The following KMT2B variants were observed in gnomAD, a reference collection of about 807,000 sequenced individuals.
KMT2B encodes the protein lysine methyltransferase 2B, also known as histone-lysine N-methyltransferase 2B.
A neutral mutation model predicts 255.3 loss-of-function variants in KMT2B; 22 were observed. The observed-to-expected ratio is 0.09, with a 90% confidence interval of 0.06 to 0.12. KMT2B has a LOEUF of 0.12. Among genes scored for constraint, KMT2B ranks in the 10% least tolerant of loss-of-function variants. KMT2B has a pLI of 1.00. For missense variants in KMT2B, 3,149 were observed against 3,737.0 expected (o/e 0.84, Z 4.10); for synonymous variants, 1,730 against 1,498.1 (o/e 1.15, Z -3.57).
chr19:35,730,843 G>C lies in KMT2B; in HGVS notation c.5413G>C (p.Val1805Leu). 1 of 1,611,168 alleles carries C rather than the reference G, an allele frequency of 6.2e-7. No individual in the cohort carries two copies. The highest frequency in any genetic ancestry group is 8.5e-7 in the Non-Finnish European group (1 of 1,178,810). Residue 1805 changes from valine (V) to leucine (L), a missense_variant, in exon 26 of 37, where the codon GTG becomes CTG. Val to Leu is a conservative substitution (Grantham distance 32). Coordinates refer to ENST00000420124, the MANE Select transcript of KMT2B (RefSeq NM_014727.3). The stretch of plus-strand genomic sequence containing the variant: ...GGCTGCAGAGGAGAACCAGACCATT[G>C]TGCACAGCCCCGCCCCTTCCTCAGG... ...LEAAEENQTIVHSPAPSSEPP... is the reference protein window; with the variant it reads ...LEAAEENQTILHSPAPSSEPP...
chr19:35,730,301 CCA>C (rs772279008), intron 23 of KMT2B, 39 bp from the exon 24 acceptor site: 1 of 1,607,368 alleles, frequency 6.2e-7, no homozygotes, highest in South Asian at 1.1e-5. Context: ...TCCACCTCCC[CCA>C]CCAATGCAGC....
At chr19:35,726,129 C>T (rs1271768484) in intron 13 of KMT2B, 107 bp from the exon 14 acceptor site, 9 of 818,100 alleles carry the variant, frequency 1.1e-5, no homozygotes, top group African/African-American at 1.7e-5. Context: ...TTACCTGTCC[C>T]TCCTTGCCTG....
At chr19:35,734,299 C>T (rs1969837665) in intron 30 of KMT2B, among the ~76,000 whole-genome samples, 1 of 152,042 alleles carries the variant, frequency 6.6e-6, no homozygotes, top group Non-Finnish European at 1.5e-5. Flanking sequence ...GGAGTCGTCA[C>T]ATCTCAGCTG....
At chr19:35,728,320 C>T (rs1969551248) in intron 19 of KMT2B, 149 bp downstream of exon 19, 3 of 673,048 alleles carry the variant, frequency 4.5e-6, no homozygotes, top group Non-Finnish European at 7.7e-6. Flanking sequence ...GTGAGATTCC[C>T]TGGTGGTTCT....
chr19:35,726,164 C>T, intron 13 of KMT2B, 72 bp from the exon 14 acceptor site: 1 of 1,154,382 alleles, frequency 8.7e-7, no homozygotes, highest in South Asian at 1.3e-5. Flanking sequence ...CCAATTCCTC[C>T]TCGCCCGTCT....
In KMT2B at chr19:35,727,107, C is replaced by T; in HGVS notation, c.4004-49C>T. The T allele has an allele frequency of 7.4e-7, 1 of 1,346,630 alleles. No homozygotes were observed. Among genetic ancestry groups the T allele is most frequent in the Non-Finnish European group, 1.0e-6 (1 of 958,370 alleles). The allele number at this position is 1,346,630 out of a possible 1,614,324, so 83.4% of individuals were successfully genotyped here. A position where few individuals can be genotyped will look rare whatever the true frequency, so the allele number is the denominator to read the frequency against. On this transcript the variant is annotated intron_variant, in intron 14 of 36. Coordinates refer to ENST00000420124, the MANE Select transcript of KMT2B (RefSeq NM_014727.3). The surrounding 1 kb of genome is among the most constrained non-coding windows in gnomAD (Gnocchi z 4.2). The stretch of plus-strand genomic sequence containing the variant: ...AATCCTTGAACAGAGACACTCAGGG[C>T]TGAGTGGGAACTCCAGCACCTCTGA...
Position 35,723,639 on chromosome 19 carries a change from G to A in KMT2B, c.3059-93G>A, listed in dbSNP as rs377764022. On this transcript the variant is annotated intron_variant, in intron 7 of 36. Coordinates refer to ENST00000420124, the MANE Select transcript of KMT2B (RefSeq NM_014727.3). This position sits in a 1 kb window ranked among gnomAD's most constrained non-coding sequence, Gnocchi z 7.5. ...CGTTGTGTGCTTTCATAGCTCCTGC[G>A]TTCATTCCCTGCCCCGCTTCTTTCT... is the stretch of plus-strand genomic sequence containing the variant. 1.2e-5 allele frequency: 16 copies of A among 1,319,170 alleles called. No homozygotes were observed. The highest frequency in any genetic ancestry group is 3.0e-5 in the African/African-American group (2 of 67,402). The allele number at this position is 1,319,170 out of a possible 1,614,324, so 81.7% of individuals were successfully genotyped here.
Position 35,723,978 on chromosome 19 carries a change from C to T in KMT2B, c.3305C>T (p.Ala1102Val). 1 of 1,604,266 alleles carries T rather than the reference C, an allele frequency of 6.2e-7. No homozygotes were observed. The highest frequency in any genetic ancestry group is 8.5e-7 in the Non-Finnish European group (1 of 1,175,364). The change falls in exon 8 of 37, where the codon GCT becomes GTT. Residue 1102 changes from alanine (A) to valine (V), a missense_variant. This residue lies in a region of KMT2B where 136 missense variants were observed against 137.3 expected (regional missense o/e 0.99). Coordinates refer to ENST00000420124, the MANE Select transcript of KMT2B (RefSeq NM_014727.3). This position sits in a 1 kb window ranked among gnomAD's most constrained non-coding sequence, Gnocchi z 7.5. ...SDDSEPGGPP[A>V]PRRRTPRENE... is the part of the protein sequence containing the mutation. The stretch of plus-strand genomic sequence containing the variant: ...GACTCGGAGCCCGGGGGCCCCCCTG[C>T]TCCTCGGCGTCGGACCCCCCGAGAA...
In KMT2B at chr19:35,724,639, C is replaced by T. The variant is rs761275473; in HGVS notation, c.3337C>T (p.Leu1113=). The T allele has an allele frequency of 2.8e-5, 44 of 1,594,154 alleles. No individual in the cohort carries two copies. Among genetic ancestry groups the T allele is most frequent in the Non-Finnish European group, 3.7e-5 (43 of 1,170,816 alleles). Reference sequence around the variant, plus strand: ...ACTGCTCATTGTGTCCTGCCTAGAGCTGCCACTGCCAGAACCTGAGGAGCA... The same window carrying T: ...ACTGCTCATTGTGTCCTGCCTAGAGTTGCCACTGCCAGAACCTGAGGAGCA... The part of the protein sequence containing the change: ...PRRRTPRENE[L]PLPEPEEQSR... The change falls in exon 9 of 37, where the codon CTG becomes TTG. Residue 1113 remains leucine (L), a splice_region_variant and synonymous_variant. Coordinates refer to ENST00000420124, the MANE Select transcript of KMT2B (RefSeq NM_014727.3).
Position 35,734,077 on chromosome 19 carries a change from G to A in KMT2B, c.7159+205G>A, listed in dbSNP as rs377303689. Among the ~76,000 whole-genome samples, 101 of 152,254 alleles carry A rather than the reference G, an allele frequency of 6.6e-4. 1 individual carries two copies. The highest frequency in any genetic ancestry group is 3.4e-3 in the Middle Eastern group (1 of 294). Reference sequence around the variant, plus strand: ...TGGAAATGACATTTCGCCTCTACGTGGGATCCTTTTAAGGGTCTTTGTCCA... The same window carrying A: ...TGGAAATGACATTTCGCCTCTACGTAGGATCCTTTTAAGGGTCTTTGTCCA... On this transcript the variant is annotated intron_variant, in intron 30 of 36. Coordinates refer to ENST00000420124, the MANE Select transcript of KMT2B (RefSeq NM_014727.3).
Position 35,725,268 on chromosome 19 carries a change from C to G in KMT2B, c.3577C>G (p.Leu1193Val). The change falls in exon 11 of 37, where the codon CTC becomes GTC. Residue 1193 changes from leucine (L) to valine (V), a missense_variant. Physicochemically the swap from Leu to Val is conservative, Grantham distance 32. Transcript: ENST00000420124. The surrounding 1 kb of genome is among the most constrained non-coding windows in gnomAD (Gnocchi z 4.1). ...NVWLMGGLSV[L>V]TSVPGGPPMV... ...GTGGCTGATGGGGGGCCTGAGTGTG[C>G]TCACCTCTGTGCCAGGGGGCCCCCC... 1 of 1,602,530 alleles carries G rather than the reference C, an allele frequency of 6.2e-7. No individual in the cohort carries two copies. The highest frequency in any genetic ancestry group is 8.5e-7 in the Non-Finnish European group (1 of 1,174,366).
In KMT2B at chr19:35,725,475, C is replaced by G. The variant is rs867751548; in HGVS notation, c.3643-4C>G. ...CATCATTCACTCCTTTACCCTGTCC[C>G]CAGCTGGTGTTCTGTCAAGTCTGCT... On this transcript the variant is annotated splice_polypyrimidine_tract_variant and splice_region_variant and intron_variant, in intron 11 of 36. Coordinates refer to ENST00000420124, the MANE Select transcript of KMT2B (RefSeq NM_014727.3). The surrounding 1 kb of genome is among the most constrained non-coding windows in gnomAD (Gnocchi z 4.1). 6.2e-7 allele frequency: 1 copy of G among 1,610,352 alleles called. No homozygotes were observed. The highest frequency in any genetic ancestry group is 8.5e-7 in the Non-Finnish European group (1 of 1,179,888).
intron 8 of KMT2B, 51 bp downstream of exon 8, chr19:35,724,058 C>G: frequency 1.3e-6 from 2 of 1,508,976 alleles, no homozygotes; most frequent in Non-Finnish European, 1.8e-6. Context: ...GGTCTTGTGT[C>G]TTTTGTGTAG....
Position 35,723,193 on chromosome 19 carries a change from G to A in KMT2B, c.2921G>A (p.Arg974His), listed in dbSNP as rs769004875. ...ARCGHCRGCL[R>H]VQDCGSCVNC... ...TGTGGACACTGTCGGGGCTGCCTAC[G>A]TGTGCAGGACTGTGGGTCCTGTGTC... is the stretch of plus-strand genomic sequence containing the variant. Residue 974 changes from arginine (R) to histidine (H), a missense_variant, in exon 6 of 37, where the codon CGT becomes CAT. Around this residue, in one of 18 missense-constraint regions of KMT2B, gnomAD observed 132 missense variants for 174.7 expected, o/e 0.76. Coordinates refer to ENST00000420124, the MANE Select transcript of KMT2B (RefSeq NM_014727.3). This position sits in a 1 kb window ranked among gnomAD's most constrained non-coding sequence, Gnocchi z 7.5. The A allele has an allele frequency of 6.8e-6, 11 of 1,613,292 alleles. No homozygotes were observed. Among genetic ancestry groups the A allele is most frequent in the Non-Finnish European group, 8.5e-6 (10 of 1,179,892 alleles).
chr19:35,726,481 A>G, intron 14 of KMT2B, 128 bp downstream of exon 14: 1 of 669,894 alleles, frequency 1.5e-6, no homozygotes, highest in Non-Finnish European at 2.7e-6. Flanking sequence ...TATCTCTTCA[A>G]CTCAGGGAAC....
Position 35,724,679 on chromosome 19 carries a change from A to G in KMT2B, c.3377A>G (p.Lys1126Arg). 1 of 1,603,446 alleles carries G rather than the reference A, an allele frequency of 6.2e-7. No individual in the cohort carries two copies. Among genetic ancestry groups the G allele is most frequent in the Non-Finnish European group, 8.5e-7 (1 of 1,175,372 alleles). ...CCTGAGGAGCAGAGCCGGCCCCGCA[A>G]ACCTACCCTGCAGCCTGTGTTGCAG... ...PEPEEQSRPR[K>R]PTLQPVLQLK... The change falls in exon 9 of 37, where the codon AAA becomes AGA. Residue 1126 changes from lysine to arginine, a missense_variant. By Grantham distance (26) the Lys-to-Arg change is conservative (BLOSUM62 2). Coordinates refer to ENST00000420124, the MANE Select transcript of KMT2B (RefSeq NM_014727.3).
Position 35,724,976 on chromosome 19 carries a change from C to T in KMT2B, c.3430-13C>T. ...GGCTGGCAGCTCTGAATTCCCCCAC[C>T]TTTCCTCCCCAGGATGCTTTGGCCC... On this transcript the variant is annotated splice_polypyrimidine_tract_variant and intron_variant, in intron 9 of 36. Transcript: ENST00000420124. The T allele has an allele frequency of 1.3e-6, 2 of 1,590,056 alleles. No homozygotes were observed. Among genetic ancestry groups the T allele is most frequent in the Middle Eastern group, 3.3e-4 (2 of 6,032 alleles).
Position 35,723,410 on chromosome 19 carries a change from G to T in KMT2B, c.3003-37G>T, listed in dbSNP as rs770663717. 6.4e-7 allele frequency: 1 copy of T among 1,552,472 alleles called. No homozygotes were observed. The highest frequency in any genetic ancestry group is 2.0e-5 in the Admixed American group (1 of 51,164). On this transcript the variant is annotated intron_variant, in intron 6 of 36. Transcript: ENST00000420124. This position sits in a 1 kb window ranked among gnomAD's most constrained non-coding sequence, Gnocchi z 7.5. ...CTTCCTCTCTTCCCCCAGACCACCA[G>T]TCCCCTACCCTGGTGACGTGCTGCT...
Position 35,725,328 on chromosome 19 carries a change from C to T in KMT2B, c.3637C>T (p.His1213Tyr). 1 of 1,563,546 alleles carries T rather than the reference C, an allele frequency of 6.4e-7. No homozygotes were observed. Among genetic ancestry groups the T allele is most frequent in the Non-Finnish European group, 8.7e-7 (1 of 1,154,690 alleles). ...VCLLCASKGL[H>Y]ELVFCQVCCD... ...CTTGCTGTGTGCCAGCAAAGGACTCCACGAGGTTAGATCTCTGCCTTTCTT... is the reference window on the plus strand; with the variant it reads ...CTTGCTGTGTGCCAGCAAAGGACTCTACGAGGTTAGATCTCTGCCTTTCTT... Residue 1213 changes from histidine (H) to tyrosine (Y), a missense_variant, in exon 11 of 37, where the codon CAC (histidine) becomes TAC (tyrosine). By Grantham distance (83) the His-to-Tyr change is moderately conservative (BLOSUM62 2). This residue lies in a region of KMT2B where 42 missense variants were observed against 121.0 expected (regional missense o/e 0.35). Transcript: ENST00000420124. The surrounding 1 kb of genome is among the most constrained non-coding windows in gnomAD (Gnocchi z 4.1).
Sources: gnomAD v4.1 joint callset for allele counts (sites outside exome capture counted in the v4.1 genomes callset) on GRCh38, gnomAD v4.1.1 for gene constraint, gnomAD v4.1.1 regional missense constraint, Gnocchi (gnomAD v3.1) non-coding constraint, MANE v1.5 for transcripts, NCBI Gene and HGNC (gene_info 2026-07-23, HGNC 2026-07-21) for gene names.